Variants in SPTLC2 observed in about 807,000 individuals in gnomAD.
SPTLC2 encodes serine palmitoyltransferase 2.
A neutral mutation model predicts 62.0 loss-of-function variants in SPTLC2; 21 were observed. That is an observed-to-expected ratio of 0.34 (90% CI 0.24 to 0.49). The LOEUF is 0.49. Ranked by LOEUF, SPTLC2 falls within the 20% of genes least tolerant of loss-of-function variation. The pLI, the probability that SPTLC2 is intolerant of heterozygous loss-of-function variation, is 0.99. For synonymous variants in SPTLC2, 261 were observed against 261.8 expected, an observed-to-expected ratio of 1.00 and a Z score of 0.03; for missense variants, 511 against 713.0, an observed-to-expected ratio of 0.72 and a Z score of 3.23.
At chr14:77,535,590 A>G (rs2079465590) in intron 9 of SPTLC2, 1 of 165,158 alleles carries the variant, frequency 6.1e-6, no homozygotes, top group Non-Finnish European at 1.3e-5. Context: ...CAGAAGTGTT[A>G]CAAACAAGGT....
At chr14:77,596,654 AAATAG>A (rs1280194080) in intron 2 of SPTLC2, among the ~76,000 whole-genome samples, 2 of 152,248 alleles carry the variant, frequency 1.3e-5, no homozygotes, top group African/African-American at 4.8e-5. Context: ...TGTTTACCGT[AAATAG>A]AATCGGTTGG....
intron 9 of SPTLC2, among the ~76,000 whole-genome samples, chr14:77,527,007 G>C (rs1053596774): frequency 1.3e-5 from 2 of 151,822 alleles, no homozygotes; most frequent in African/African-American, 4.8e-5. Flanking sequence ...TGTTAGGCAG[G>C]ATGATGTCGA....
chr14:77,555,707 C>T (rs1160507203), intron 7 of SPTLC2, among the ~76,000 whole-genome samples, 188 bp from the exon 8 acceptor site: 1 of 151,940 alleles, frequency 6.6e-6, no homozygotes, highest in Non-Finnish European at 1.5e-5. Flanking sequence ...TCCCTGACTC[C>T]TGGGTTCAAG....
Position 77,509,000 on chromosome 14 carries a change from T to G in SPTLC2, c.*3284A>C, listed in dbSNP as rs376565410. The G allele has an allele frequency of 6.6e-6, 1 of 152,322 alleles. No individual in the cohort carries two copies. The highest frequency in any genetic ancestry group is 1.9e-4 in the East Asian group (1 of 5,190). The allele number at this position is 152,322 out of a possible 1,614,324, so 9.4% of individuals were successfully genotyped here. On this transcript the variant is annotated 3_prime_UTR_variant, in exon 12 of 12. Coordinates refer to ENST00000216484, the MANE Select transcript of SPTLC2 (RefSeq NM_004863.4). ...CGGAGACAAATCACTGGAAGCATGT[T>G]CAACTCCTTGGTGTTTGAAGAGGCA...
chr14:77,588,201 C>T (rs933072205), intron 2 of SPTLC2, among the ~76,000 whole-genome samples: 4 of 152,090 alleles, frequency 2.6e-5, no homozygotes, highest in African/African-American at 4.8e-5. Context: ...GTCTCCCAAA[C>T]TGCTGGGATT....
chr14:77,539,933 A>C (rs1209033614), intron 9 of SPTLC2, among the ~76,000 whole-genome samples: 2 of 152,196 alleles, frequency 1.3e-5, no homozygotes, highest in African/African-American at 4.8e-5. Flanking sequence ...AAGGTGGCTC[A>C]TGCCTATAAT....
At chr14:77,567,335 T>C (rs2079650979) in intron 5 of SPTLC2, among the ~76,000 whole-genome samples, 2 of 152,246 alleles carry the variant, frequency 1.3e-5, no homozygotes, top group South Asian at 4.1e-4. Flanking sequence ...CTGATAGAGC[T>C]TGTAAGCATA....
Position 77,512,133 on chromosome 14 carries a change from G to A in SPTLC2, c.*151C>T, listed in dbSNP as rs761953824. On this transcript the variant is annotated 3_prime_UTR_variant, in exon 12 of 12. Coordinates refer to ENST00000216484, the MANE Select transcript of SPTLC2 (RefSeq NM_004863.4). ...AGCAGTTTTTTACTATTTACAAAAT[G>A]TCATTTAGAGTGGAGGTGGCCACCT... 19 of 1,006,156 alleles carry A rather than the reference G, an allele frequency of 1.9e-5. No individual in the cohort carries two copies. Among genetic ancestry groups the A allele is most frequent in the Non-Finnish European group, 2.7e-5 (18 of 664,248 alleles). 62.3% of individuals were successfully genotyped at this position (1,006,156 alleles called of 1,614,324 possible).
chr14:77,556,033 C>T (rs535637347), intron 7 of SPTLC2, among the ~76,000 whole-genome samples: 3 of 152,186 alleles, frequency 2.0e-5, no homozygotes, highest in Non-Finnish European at 4.4e-5. Flanking sequence ...ACTTTTAAAA[C>T]AAGCACTGGC....
At chr14:77,598,554 C>T (rs1037434570) in intron 1 of SPTLC2, among the ~76,000 whole-genome samples, 2 of 152,206 alleles carry the variant, frequency 1.3e-5, no homozygotes, top group African/African-American at 4.8e-5. Flanking sequence ...AGCAGTAGGC[C>T]CCTGCAGAAA....
chr14:77,518,189 CAG>C, intron 10 of SPTLC2, 22 bp from the exon 11 acceptor site: 1 of 1,614,006 alleles, frequency 6.2e-7, no homozygotes, highest in Admixed American at 1.7e-5. Flanking sequence ...AAAACAAGAA[CAG>C]AAACCAGGAG....
intron 11 of SPTLC2, among the ~76,000 whole-genome samples, chr14:77,516,913 A>G (rs574540652): frequency 2.0e-5 from 3 of 152,370 alleles, no homozygotes; most frequent in East Asian, 1.9e-4. Flanking sequence ...TCAAATTGTT[A>G]TAATTAACTT....
intron 5 of SPTLC2, among the ~76,000 whole-genome samples, chr14:77,563,494 G>T (rs75102472): frequency 6.6e-6 from 1 of 152,158 alleles, no homozygotes; most frequent in Non-Finnish European, 1.5e-5. Flanking sequence ...GTGCGATCTT[G>T]GTTCACTTGC....
intron 2 of SPTLC2, among the ~76,000 whole-genome samples, chr14:77,593,552 T>C (rs1197163102): frequency 6.6e-6 from 1 of 152,152 alleles, no homozygotes; most frequent in Non-Finnish European, 1.5e-5. Context: ...GATTAAGGGG[T>C]AAAGAATTCC....
intron 2 of SPTLC2, among the ~76,000 whole-genome samples, chr14:77,585,835 ACTTT>A (rs2079777986): frequency 6.6e-6 from 1 of 152,218 alleles, no homozygotes; most frequent in Non-Finnish European, 1.5e-5. Context: ...TATTTTAAAA[ACTTT>A]CTCACTAGGA....
intron 9 of SPTLC2, among the ~76,000 whole-genome samples, chr14:77,548,344 G>A (rs2079539972): frequency 6.6e-6 from 1 of 151,922 alleles, no homozygotes; most frequent in African/African-American, 2.4e-5. Flanking sequence ...CACTAAGCTG[G>A]GTGCTATGCA....
chr14:77,532,162 AT>A (rs2079443948), intron 9 of SPTLC2, among the ~76,000 whole-genome samples: 1 of 152,122 alleles, frequency 6.6e-6, no homozygotes. Flanking sequence ...AAATACTGAA[AT>A]TTTTGGTGCT....
At position 77,510,999 on chromosome 14, in the gene SPTLC2, ATAG is replaced by A. The variant is rs1394085267; in HGVS notation, c.*1282_*1284del. The A allele has an allele frequency of 6.6e-6, 1 of 152,594 alleles. No individual in the cohort carries two copies. The allele number at this position is 152,594 out of a possible 1,614,324, so 9.5% of individuals were successfully genotyped here. On this transcript the variant is annotated 3_prime_UTR_variant, in exon 12 of 12. Coordinates refer to ENST00000216484, the MANE Select transcript of SPTLC2 (RefSeq NM_004863.4). ...CTGAAAGAAGTCCCTTTACCTGGTT[ATAG>A]TATGAAAACAGTCAAAATAGAAAAT...
intron 1 of SPTLC2, among the ~76,000 whole-genome samples, chr14:77,601,684 C>T (rs1300972371): frequency 6.6e-6 from 1 of 152,248 alleles, no homozygotes; most frequent in Non-Finnish European, 1.5e-5. Flanking sequence ...CTCAGACCAA[C>T]CAGCCCAAGG....
Sources: gnomAD v4.1 joint callset for allele counts (sites outside exome capture counted in the v4.1 genomes callset) on GRCh38, gnomAD v4.1.1 for gene constraint, MANE v1.5 for transcripts, NCBI Gene and HGNC (gene_info 2026-07-23, HGNC 2026-07-21) for gene names.